ADGRL3: variants seen among roughly 807,000 people sequenced by gnomAD.
ADGRL3 encodes the protein adhesion G protein-coupled receptor L3, also known as calcium-independent alpha-latrotoxin receptor 3.
In ADGRL3, 62 loss-of-function variants were observed where a neutral mutation model predicts 153.5. That is an observed-to-expected ratio of 0.40 (90% CI 0.33 to 0.50). ADGRL3 has a LOEUF of 0.50. Ranked by LOEUF, ADGRL3 falls within the 20% of genes least tolerant of loss-of-function variation. The pLI, the probability that ADGRL3 is intolerant of heterozygous loss-of-function variation, is 0.47. For missense variants in ADGRL3, 1,641 were observed against 1,859.4 expected (o/e 0.88, Z 2.16); for synonymous variants, 710 against 672.5 (o/e 1.06, Z -0.86).
chr4:61,324,990 A>C (rs2095436029), intron 1 of ADGRL3, among the ~76,000 whole-genome samples: 1 of 152,212 alleles, frequency 6.6e-6, no homozygotes, highest in South Asian at 2.1e-4. Context: ...TTCTGACTTT[A>C]CAGATTACTT....
chr4:61,228,221 A>C (rs1748852069), intron 1 of ADGRL3, among the ~76,000 whole-genome samples: 1 of 152,216 alleles, frequency 6.6e-6, no homozygotes, highest in South Asian at 2.1e-4. Context: ...CAAGCCTCTG[A>C]TGCTATGAGA....
At chr4:61,842,379 A>T (rs1234304542) in intron 9 of ADGRL3, among the ~76,000 whole-genome samples, 1 of 152,302 alleles carries the variant, frequency 6.6e-6, no homozygotes, top group African/African-American at 2.4e-5. Context: ...TAAATTTTTT[A>T]GCGTACAAGA....
intron 1 of ADGRL3, among the ~76,000 whole-genome samples, chr4:61,248,356 T>C (rs1286600844): frequency 6.6e-6 from 1 of 152,150 alleles, no homozygotes; most frequent in East Asian, 1.9e-4. Context: ...TTTCCAAGTA[T>C]TGAGTCTGAT....
At chr4:61,520,236 C>A (rs1335524317) in intron 4 of ADGRL3, among the ~76,000 whole-genome samples, 2 of 152,008 alleles carry the variant, frequency 1.3e-5, no homozygotes, top group Non-Finnish European at 2.9e-5. Flanking sequence ...CAGTTAATGA[C>A]TAGATATCAA....
intron 1 of ADGRL3, among the ~76,000 whole-genome samples, chr4:61,240,392 A>G (rs1311990955): frequency 2.0e-5 from 3 of 152,088 alleles, no homozygotes; most frequent in African/African-American, 7.2e-5. Flanking sequence ...TACAACCCAT[A>G]CCATAGCAGG....
chr4:61,295,352 A>G (rs2094373004), intron 1 of ADGRL3, among the ~76,000 whole-genome samples: 1 of 152,150 alleles, frequency 6.6e-6, no homozygotes, highest in South Asian at 2.1e-4. Flanking sequence ...CCTAATTTAT[A>G]AATTTACCTT....
intron 4 of ADGRL3, among the ~76,000 whole-genome samples, chr4:61,574,344 C>T (rs1486912794): frequency 6.6e-6 from 1 of 151,926 alleles, no homozygotes; most frequent in Non-Finnish European, 1.5e-5. Flanking sequence ...ATGTAACTAT[C>T]ATTCATAAAA....
chr4:61,732,651 G>T, intron 7 of ADGRL3, 103 bp from the exon 8 acceptor site: 2 of 525,046 alleles, frequency 3.8e-6, no homozygotes, highest in Non-Finnish European at 6.2e-6. Flanking sequence ...GTGATGGTGG[G>T]TATCTCTTGT....
chr4:61,736,181 CT>C (rs1561147329), intron 8 of ADGRL3, among the ~76,000 whole-genome samples: 1 of 151,970 alleles, frequency 6.6e-6, no homozygotes, highest in African/African-American at 2.4e-5. Flanking sequence ...ACATATCCCC[CT>C]CCATATGTAT....
At chr4:61,847,972 TA>T (rs1561352925) in intron 9 of ADGRL3, among the ~76,000 whole-genome samples, 1 of 14,752 alleles carries the variant, frequency 6.8e-5, no homozygotes, top group African/African-American at 2.1e-4. Context: ...ATTATATATA[TA>T]ATATAAAATA....
intron 25 of ADGRL3, among the ~76,000 whole-genome samples, chr4:62,062,545 C>G (rs190154008): frequency 6.6e-5 from 10 of 152,070 alleles, no homozygotes; most frequent in Non-Finnish European, 1.5e-4. Flanking sequence ...TCATCTAACA[C>G]AAATACACAA....
At position 61,468,247 on chromosome 4, in the gene ADGRL3, C is replaced by T. The variant is rs533950278; in HGVS notation, c.-173-28874C>T. Among the ~76,000 whole-genome samples the T allele has an allele frequency of 5.1e-4, 78 of 152,274 alleles. 1 individual carries two copies. The South Asian group carries it at 0.013, about 26-fold the overall frequency. On this transcript the variant is annotated intron_variant, in intron 2 of 26. Transcript: ENST00000683033. Reference sequence around the variant, plus strand: ...TGCCACAGTCTCTTAAGCAATAATGCGGCAACTTTTTGTAAAACCATGACT... The same window carrying T: ...TGCCACAGTCTCTTAAGCAATAATGTGGCAACTTTTTGTAAAACCATGACT...
At chr4:61,248,912 T>A (rs1285267830) in intron 1 of ADGRL3, among the ~76,000 whole-genome samples, 1 of 152,156 alleles carries the variant, frequency 6.6e-6, no homozygotes, top group Non-Finnish European at 1.5e-5. Flanking sequence ...AAATAATAGG[T>A]CGAATTTCTT....
intron 8 of ADGRL3, among the ~76,000 whole-genome samples, chr4:61,777,858 C>T (rs974574028): frequency 1.3e-5 from 2 of 152,014 alleles, no homozygotes; most frequent in South Asian, 2.1e-4. Flanking sequence ...TTAAATAGCC[C>T]TGAAAAAGTA....
At chr4:61,352,447 G>A (rs369577640) in intron 1 of ADGRL3, among the ~76,000 whole-genome samples, 45 of 151,530 alleles carry the variant, frequency 3.0e-4, no homozygotes, top group Non-Finnish European at 3.8e-4. Context: ...GGAGTGCAGT[G>A]GTGCGATCTC....
Position 61,200,911 on chromosome 4 carries a change from C to G in ADGRL3, c.-1094C>G, listed in dbSNP as rs1734468037. 6.6e-6 allele frequency among the ~76,000 whole-genome samples: 1 copy of G among 151,910 alleles called. No individual in the cohort carries two copies. The highest frequency in any genetic ancestry group is 2.0e-4 in the East Asian group (1 of 5,060). On this transcript the variant is annotated 5_prime_UTR_variant, in exon 1 of 27. Coordinates refer to ENST00000683033, the MANE Select transcript of ADGRL3 (RefSeq NM_001387552.1). ...GCTCGGGGTTCGCCGGCCCCCGGGA[C>G]GCAGCCCTCGGCGGCCGGGCGCCCG...
intron 5 of ADGRL3, among the ~76,000 whole-genome samples, chr4:61,647,303 C>T (rs1173845502): frequency 2.0e-5 from 3 of 152,058 alleles, no homozygotes; most frequent in African/African-American, 4.8e-5. Flanking sequence ...GGCTCCTCCC[C>T]GATTTAACTT....
chr4:61,676,154 C>A (rs1396270520), intron 5 of ADGRL3, among the ~76,000 whole-genome samples: 1 of 151,636 alleles, frequency 6.6e-6, no homozygotes, highest in Non-Finnish European at 1.5e-5. Context: ...AATTTAAATT[C>A]ATTATTTTAT....
chr4:61,913,058 A>G (rs1237891694), intron 13 of ADGRL3, among the ~76,000 whole-genome samples: 1 of 152,130 alleles, frequency 6.6e-6, no homozygotes, highest in African/African-American at 2.4e-5. Flanking sequence ...TGGGTTTGAA[A>G]ACATTTCATT....
Sources: gnomAD v4.1 joint callset for allele counts (sites outside exome capture counted in the v4.1 genomes callset) on GRCh38, gnomAD v4.1.1 for gene constraint, MANE v1.5 for transcripts, NCBI Gene and HGNC (gene_info 2026-07-23, HGNC 2026-07-21) for gene names.